The following PCYT1B variants were observed in gnomAD, a reference collection of about 807,000 sequenced individuals.
PCYT1B encodes choline-phosphate cytidylyltransferase B.
Under a neutral mutation model 26.4 loss-of-function variants are expected in PCYT1B, and 10 were observed. The ratio of observed to expected loss-of-function variants is 0.38; its 90% CI spans 0.23 to 0.64. The LOEUF is 0.64. Among genes scored for constraint, PCYT1B ranks in the 30% least tolerant of loss-of-function variants. PCYT1B has a pLI of 0.56. For missense variants in PCYT1B, 161 were observed against 292.7 expected, an observed-to-expected ratio of 0.55 and a Z score of 3.28; for synonymous variants, 131 against 108.4, an observed-to-expected ratio of 1.21 and a Z score of -1.29.
chrX:24,568,609 A>T (rs1923713790), intron 7 of PCYT1B, among the ~76,000 whole-genome samples: 1 of 111,384 alleles, frequency 9.0e-6, no homozygotes, highest in South Asian at 3.8e-4. Context: ...CAACAGCCCT[A>T]TGTGGCAGCT....
At chrX:24,651,467 AAAAAAATATATATATATATATATATATAT>A (rs1405325741), upstream of PCYT1B, among the ~76,000 whole-genome samples, 1 of 30,445 alleles carries the variant, frequency 3.3e-5, no homozygotes, top group African/African-American at 1.2e-4. Context: ...AAAAAAAAAA[AAAAAAATATATATATATATATATATATAT>A]ATATATATAT....
intron 7 of PCYT1B, among the ~76,000 whole-genome samples, chrX:24,567,296 T>C (rs760587933): frequency 1.8e-5 from 2 of 111,950 alleles, no homozygotes; most frequent in East Asian, 5.6e-4. Flanking sequence ...TAAACAACGG[T>C]GTCGCACTTC....
At chrX:24,566,753 C>T (rs1007040101) in intron 7 of PCYT1B, among the ~76,000 whole-genome samples, 10 of 111,499 alleles carry the variant, frequency 9.0e-5, no homozygotes, top group African/African-American at 3.3e-4. Context: ...CTCATTTTTC[C>T]TTTCTAAGCT....
chrX:24,629,559 CAAA>C (rs1165553186), intron 1 of PCYT1B, among the ~76,000 whole-genome samples: 75 of 16,096 alleles, frequency 4.7e-3, no homozygotes, highest in African/African-American at 0.015. Context: ...GACCCTGTCT[CAAA>C]AAAAAAAAAA....
intron 7 of PCYT1B, among the ~76,000 whole-genome samples, chrX:24,565,784 CAA>C (rs141453106): frequency 2.6e-5 from 2 of 77,525 alleles, no homozygotes; most frequent in Admixed American, 1.5e-4. Context: ...TTCTGTACCT[CAA>C]AAAAAAAAAA....
chrX:24,576,472 T>A (rs749509635), intron 6 of PCYT1B, among the ~76,000 whole-genome samples: 1 of 110,369 alleles, frequency 9.1e-6, no homozygotes, highest in South Asian at 3.9e-4. Context: ...TCCGGCTAAT[T>A]TTTTGTATTT....
chrX:24,625,842 G>C (rs5944658), intron 1 of PCYT1B, among the ~76,000 whole-genome samples: 1 of 105,428 alleles, frequency 9.5e-6, no homozygotes, highest in Non-Finnish European at 1.9e-5. Flanking sequence ...GGACAGGCGC[G>C]GTGGCTCATG....
intron 1 of PCYT1B, among the ~76,000 whole-genome samples, chrX:24,655,882 C>T (rs1926893895): frequency 1.9e-5 from 2 of 106,584 alleles, no homozygotes; most frequent in South Asian, 8.6e-4. Flanking sequence ...TAGGGGGAGG[C>T]CAAGGCAGGT....
intron 2 of PCYT1B, 94 bp downstream of exon 2, chrX:24,618,891 G>T: frequency 3.9e-6 from 2 of 510,325 alleles, no homozygotes; most frequent in Non-Finnish European, 6.1e-6. Flanking sequence ...CCAAAGTGCT[G>T]GGATCACAGG....
intron 1 of PCYT1B, among the ~76,000 whole-genome samples, chrX:24,623,844 T>C (rs1472249395): frequency 9.0e-6 from 1 of 111,510 alleles, no homozygotes; most frequent in Non-Finnish European, 1.9e-5. Context: ...ACTTATGCAA[T>C]GTACATCGCT....
rs755340331 is a variant in PCYT1B, at chrX:24,592,849, T to C, written c.335-2675A>G. Among the ~76,000 whole-genome samples the C allele has an allele frequency of 5.4e-5, 6 of 111,932 alleles. No individual in the cohort carries two copies. In the South Asian group the frequency reaches 1.9e-3, roughly 35 times the overall value. On this transcript the variant is annotated intron_variant, in intron 3 of 7. Transcript: ENST00000379144. ...CTATTCTCCAAACCTGGAATAGTTG[T>C]GCTCCAAATACTCATAGAGCTCACC...
intron 1 of PCYT1B, among the ~76,000 whole-genome samples, chrX:24,667,424 G>A (rs1391820822): frequency 1.8e-5 from 2 of 111,303 alleles, no homozygotes; most frequent in African/African-American, 6.5e-5. Flanking sequence ...TGGAACAAAA[G>A]ATAAAAATAA....
chrX:24,615,072 G>C lies in PCYT1B; in HGVS notation c.217+3913C>G, dbSNP rs573354234. The stretch of plus-strand genomic sequence containing the variant: ...TGACCTCAAGTGATCCACTCGCCTC[G>C]GCCTCCCAAAGTGCTGGGATTACAG... On this transcript the variant is annotated intron_variant, in intron 2 of 7. Transcript: ENST00000379144. Among the ~76,000 whole-genome samples the C allele has an allele frequency of 5.4e-5, 6 of 111,686 alleles. No individual in the cohort carries two copies. The South Asian group carries it at 2.3e-3, about 42-fold the overall frequency.
upstream of PCYT1B, among the ~76,000 whole-genome samples, chrX:24,650,451 C>T (rs1466631907): frequency 2.8e-5 from 3 of 107,975 alleles, no homozygotes; most frequent in Non-Finnish European, 5.7e-5. Context: ...TCCCAAGTAT[C>T]TGGGACCACA....
chrX:24,670,096 GA>G (rs1927217096), intron 1 of PCYT1B, among the ~76,000 whole-genome samples: 23 of 89,815 alleles, frequency 2.6e-4, no homozygotes, highest in South Asian at 6.8e-4. Flanking sequence ...AAGAAAGAAA[GA>G]AAGAAAGAAA....
chrX:24,558,402 C>T lies in PCYT1B; in HGVS notation c.*3891G>A, dbSNP rs1235115087. 9.0e-6 allele frequency: 1 copy of T among 110,888 alleles called. No homozygotes were observed. The highest frequency in any genetic ancestry group is 3.3e-5 in the African/African-American group (1 of 30,374). 9.1% of individuals were successfully genotyped at this position (110,888 alleles called of 1,213,427 possible). On this transcript the variant is annotated 3_prime_UTR_variant, in exon 8 of 8. Transcript: ENST00000379144. ...TAGAGAGGAGAAGTTGCAAATGCCT[C>T]ATGAGCTATTTCTTTTTTAAAAATC...
At chrX:24,662,026 G>T (rs1927038800) in intron 1 of PCYT1B, among the ~76,000 whole-genome samples, 1 of 110,660 alleles carries the variant, frequency 9.0e-6, no homozygotes, top group Non-Finnish European at 1.9e-5. Context: ...AAAACTAGCT[G>T]GGTGTGGTGG....
chrX:24,593,376 T>C (rs112093850), intron 3 of PCYT1B, among the ~76,000 whole-genome samples: 15 of 108,231 alleles, frequency 1.4e-4, no homozygotes, highest in African/African-American at 4.0e-4. Context: ...GTTTCTTTCT[T>C]TCTCTCTCTC....
chrX:24,666,892 T>C (rs1927139728), intron 1 of PCYT1B, among the ~76,000 whole-genome samples: 1 of 110,512 alleles, frequency 9.0e-6, no homozygotes, highest in Non-Finnish European at 1.9e-5. Context: ...TTCTCTCACA[T>C]TGTTCCCAGC....
Sources: gnomAD v4.1 joint callset for allele counts (sites outside exome capture counted in the v4.1 genomes callset) on GRCh38, gnomAD v4.1.1 for gene constraint, MANE v1.5 for transcripts, NCBI Gene and HGNC (gene_info 2026-07-23, HGNC 2026-07-21) for gene names.